KLF7: variants seen among roughly 807,000 people sequenced by gnomAD.
The protein encoded by KLF7 is Krueppel-like factor 7.
KLF7 carries 2 observed loss-of-function variants against 27.3 expected under a neutral mutation model. The observed-to-expected ratio is 0.07, with a 90% CI of 0.03 to 0.23. The LOEUF (loss-of-function observed/expected upper bound fraction) is 0.23. KLF7 is among the 10% of genes least tolerant of loss of function. The probability of loss-of-function intolerance (pLI) is 1.00; values close to 1 mark genes in which losing one functional copy is unlikely to be tolerated. For synonymous variants in KLF7, 165 were observed against 162.4 expected (o/e 1.02, Z -0.12); for missense variants, 221 against 394.1 (o/e 0.56, Z 3.72).
At chr2:207,156,079 T>C (rs1478434222) in intron 1 of KLF7, among the ~76,000 whole-genome samples, 1 of 124,512 alleles carries the variant, frequency 8.0e-6, no homozygotes, top group Non-Finnish European at 1.7e-5. Context: ...CCAAAAGGCA[T>C]CCTTCAACCC....
intron 3 of KLF7, among the ~76,000 whole-genome samples, chr2:207,086,161 G>A (rs2076383770): frequency 6.6e-6 from 1 of 152,190 alleles, no homozygotes; most frequent in Non-Finnish European, 1.5e-5. Flanking sequence ...AAGAGGTGGT[G>A]CACTCATATA....
chr2:207,170,793 A>G (rs1475182398), upstream of KLF7, among the ~76,000 whole-genome samples: 3 of 152,086 alleles, frequency 2.0e-5, no homozygotes, highest in African/African-American at 7.2e-5. Flanking sequence ...GATTCCTTTC[A>G]AAATGTTACT....
upstream of KLF7, among the ~76,000 whole-genome samples, chr2:207,171,166 G>A (rs1164225483): frequency 2.0e-5 from 3 of 151,520 alleles, no homozygotes; most frequent in Non-Finnish European, 4.4e-5. Flanking sequence ...AGGGGTTCAA[G>A]ACTTCAGTGG....
chr2:207,110,449 G>T (rs915859886), intron 2 of KLF7, among the ~76,000 whole-genome samples: 3 of 152,210 alleles, frequency 2.0e-5, no homozygotes, highest in Non-Finnish European at 2.9e-5. Context: ...GTACCCAGGG[G>T]GAGAATGACA....
At chr2:207,173,434 C>T in the KLF7 span, among the ~76,000 whole-genome samples, 1 of 151,830 alleles carries the variant, frequency 6.6e-6, no homozygotes, top group African/African-American at 2.4e-5. Context: ...GTTTAATTAG[C>T]ATGGGTCTGA....
At chr2:207,105,172 G>A (rs1195565783) in intron 2 of KLF7, among the ~76,000 whole-genome samples, 12 of 152,140 alleles carry the variant, frequency 7.9e-5, no homozygotes, top group East Asian at 1.9e-4. Flanking sequence ...TGGAAACCCC[G>A]AAGGCCAACA....
At chr2:207,147,325 G>T (rs1176803644) in intron 1 of KLF7, among the ~76,000 whole-genome samples, 2 of 152,054 alleles carry the variant, frequency 1.3e-5, no homozygotes, top group African/African-American at 4.8e-5. Context: ...TAAAAGCAAT[G>T]ATCATATATG....
intron 1 of KLF7, among the ~76,000 whole-genome samples, chr2:207,135,569 A>G (rs2077760092): frequency 6.6e-6 from 1 of 152,194 alleles, no homozygotes; most frequent in Non-Finnish European, 1.5e-5. Flanking sequence ...AGCATTTGTC[A>G]AATGAATGAA....
At chr2:207,168,940 C>T (rs907976897), upstream of KLF7, among the ~76,000 whole-genome samples, 2 of 152,206 alleles carry the variant, frequency 1.3e-5, no homozygotes, top group Non-Finnish European at 1.5e-5. Context: ...ACTGTTGTAA[C>T]TACCACTTAC....
Position 207,165,918 on chromosome 2 carries a change from C to T in KLF7, c.-350G>A, listed in dbSNP as rs1257451853. The T allele has an allele frequency of 4.5e-6, 5 of 1,103,536 alleles. No individual in the cohort carries two copies. The highest frequency in any genetic ancestry group is 1.1e-4 in the East Asian group (2 of 18,328). The allele number at this position is 1,103,536 out of a possible 1,614,324, so 68.4% of individuals were successfully genotyped here. A position where few individuals can be genotyped will look rare whatever the true frequency, so the allele number is the denominator to read the frequency against. ...GAAGGGGGATGCAAACTCACTGACA[C>T]GAAGCTGCCATCTATTTCTGCAGCG... On this transcript the variant is annotated 5_prime_UTR_variant, in exon 1 of 4. The change creates a new upstream start codon in the 5' untranslated region. Coordinates refer to ENST00000309446, the MANE Select transcript of KLF7 (RefSeq NM_003709.4).
rs1385858238 is a variant in KLF7, at chr2:207,081,073, G to GTGTC, written c.*139_*140insGACA. The GTGTC allele has an allele frequency of 1.4e-6, 1 of 727,216 alleles. No homozygotes were observed. The highest frequency in any genetic ancestry group is 2.5e-6 in the Non-Finnish European group (1 of 400,642). 45.0% of individuals were successfully genotyped at this position (727,216 alleles called of 1,614,324 possible). On this transcript the variant is annotated 3_prime_UTR_variant, in exon 4 of 4. Transcript: ENST00000309446. ...TGAGTGTGTGTATATGTGTGTGTGT[G>GTGTC]TGTGTGTGTGTACAGAGGTTTATAA...
chr2:207,117,485 A>G (rs1574488426), intron 2 of KLF7, among the ~76,000 whole-genome samples: 2 of 152,292 alleles, frequency 1.3e-5, no homozygotes, highest in South Asian at 2.1e-4. Flanking sequence ...TTTCCATCCC[A>G]TAATCGGGGT....
chr2:207,116,065 T>C (rs1158861464), intron 2 of KLF7, among the ~76,000 whole-genome samples: 1 of 152,200 alleles, frequency 6.6e-6, no homozygotes, highest in Non-Finnish European at 1.5e-5. Flanking sequence ...GCTATCCAGT[T>C]TGCCTCCATC....
intron 3 of KLF7, among the ~76,000 whole-genome samples, chr2:207,084,315 C>A (rs971330415): frequency 2.0e-5 from 3 of 152,050 alleles, no homozygotes; most frequent in African/African-American, 7.2e-5. Context: ...ATTCTTGATA[C>A]AGAACTTTAT....
At chr2:207,146,612 CAAGT>C (rs750742886) in intron 1 of KLF7, among the ~76,000 whole-genome samples, 1 of 152,064 alleles carries the variant, frequency 6.6e-6, no homozygotes, top group Non-Finnish European at 1.5e-5. Flanking sequence ...TCCACTCCCA[CAAGT>C]AAGTATCTTC....
In KLF7 at chr2:207,081,279, C is replaced by G. The variant is rs1354968488; in HGVS notation, c.858-15G>C. On this transcript the variant is annotated splice_polypyrimidine_tract_variant and intron_variant, in intron 3 of 3. Transcript: ENST00000309446. ...TGGAAAAACACCTAGGAGATATAAA[C>G]AACAAGGATATTAGAGAACTCCCAG... is the stretch of plus-strand genomic sequence containing the variant. 1 of 1,608,938 alleles carries G rather than the reference C, an allele frequency of 6.2e-7. No homozygotes were observed. The highest frequency in any genetic ancestry group is 1.1e-5 in the South Asian group (1 of 90,970).
chr2:207,158,128 T>TC (rs1265338251), intron 1 of KLF7, among the ~76,000 whole-genome samples: 1 of 152,124 alleles, frequency 6.6e-6, no homozygotes, highest in Non-Finnish European at 1.5e-5. Flanking sequence ...TTTTAACCTC[T>TC]AAGATGTTAG....
chr2:207,153,666 A>C (rs181859847), intron 1 of KLF7, among the ~76,000 whole-genome samples: 1 of 152,004 alleles, frequency 6.6e-6, no homozygotes, highest in Non-Finnish European at 1.5e-5. Context: ...GGAAAAAAAA[A>C]CCTCAGTGAG....
At chr2:207,161,550 C>G (rs1168288349) in intron 1 of KLF7, among the ~76,000 whole-genome samples, 1 of 152,172 alleles carries the variant, frequency 6.6e-6, no homozygotes, top group Non-Finnish European at 1.5e-5. Flanking sequence ...CACCTGGCAG[C>G]CCAGGCCTGC....
Sources: gnomAD v4.1 joint callset for allele counts (sites outside exome capture counted in the v4.1 genomes callset) on GRCh38, gnomAD v4.1.1 for gene constraint, MANE v1.5 for transcripts, NCBI Gene and HGNC (gene_info 2026-07-23, HGNC 2026-07-21) for gene names.